The following RPS6KA2 variants were observed in gnomAD, a reference collection of about 807,000 sequenced individuals.
The protein encoded by RPS6KA2 is ribosomal protein S6 kinase alpha-2.
Under a neutral mutation model 91.8 loss-of-function variants are expected in RPS6KA2, and 42 were observed. The observed-to-expected ratio is 0.46, with a 90% confidence interval of 0.36 to 0.59. The LOEUF is 0.59. RPS6KA2 is among the 20% of genes least tolerant of loss of function. The pLI, the probability that RPS6KA2 is intolerant of heterozygous loss-of-function variation, is 0.00. For synonymous variants in RPS6KA2, 414 were observed against 393.6 expected, an observed-to-expected ratio of 1.05 and a Z score of -0.61; for missense variants, 798 against 978.5, an observed-to-expected ratio of 0.82 and a Z score of 2.46.
rs184982684 is a variant in RPS6KA2, at chr6:166,761,748, A to G, written c.123+96452T>C. The stretch of plus-strand genomic sequence containing the variant: ...AGCCTGTGTTGAAGACATCACTGGG[A>G]GTGAGTTGTACCTTTCCCCTTCCTA... On this transcript the variant is annotated intron_variant, in intron 2 of 21. Transcript: ENST00000503859. Among the ~76,000 whole-genome samples, 314 of 152,298 alleles carry G rather than the reference A, an allele frequency of 2.1e-3. 1 individual carries two copies. The highest frequency in any genetic ancestry group is 7.3e-3 in the African/African-American group (303 of 41,548).
intron 1 of RPS6KA2, among the ~76,000 whole-genome samples, chr6:166,541,737 G>A (rs1257744316): frequency 6.6e-6 from 1 of 152,012 alleles, no homozygotes; most frequent in African/African-American, 2.4e-5. Context: ...TTTCTGTAAC[G>A]TTTCGAATCA....
chr6:166,776,977 T>G (rs1778638263), intron 2 of RPS6KA2, among the ~76,000 whole-genome samples: 1 of 152,176 alleles, frequency 6.6e-6, no homozygotes, highest in Admixed American at 6.5e-5. Context: ...CCATTTGTAG[T>G]TCTCTTTTGG....
At position 166,554,948 on chromosome 6, in the gene RPS6KA2, C is replaced by A. The variant is rs1784135511; in HGVS notation, c.100-16164G>T. Among the ~76,000 whole-genome samples the A allele has an allele frequency of 6.6e-6, 1 of 152,208 alleles. No homozygotes were observed. The highest frequency in any genetic ancestry group is 1.5e-5 in the Non-Finnish European group (1 of 68,032). ...ACTTTAGGAAATTGTTGCTTCTATA[C>A]TTTTTCTCTACAGAGCTAGAATACT... On this transcript the variant is annotated intron_variant, in intron 1 of 20. Transcript: ENST00000265678. This position sits in a 1 kb window ranked among gnomAD's most constrained non-coding sequence, Gnocchi z 4.3.
In RPS6KA2 at chr6:166,551,396, T is replaced by C. The variant is rs1286868507; in HGVS notation, c.100-12612A>G. On this transcript the variant is annotated intron_variant, in intron 1 of 20. Transcript: ENST00000265678. ...GAGAGAGGATTTCCAATGTGGCCAG[T>C]GGAGTTTCAGAAGACATGTGGCATG... 2.6e-5 allele frequency among the ~76,000 whole-genome samples: 4 copies of C among 152,326 alleles called. No homozygotes were observed. The East Asian group carries it at 5.8e-4, about 22-fold the overall frequency.
chr6:166,536,396 T>G (rs1036785356), intron 2 of RPS6KA2, among the ~76,000 whole-genome samples: 3 of 152,180 alleles, frequency 2.0e-5, no homozygotes, highest in African/African-American at 7.2e-5. Flanking sequence ...AGAGGAGGAA[T>G]ACAGTAACGT....
At chr6:166,558,631 C>T (rs1429476152) in intron 1 of RPS6KA2, among the ~76,000 whole-genome samples, 1 of 152,162 alleles carries the variant, frequency 6.6e-6, no homozygotes, top group Non-Finnish European at 1.5e-5. Flanking sequence ...AACAGGATGG[C>T]GACCATAAGT....
At chr6:166,519,624 C>T (rs1216822965) in intron 3 of RPS6KA2, among the ~76,000 whole-genome samples, 1 of 152,200 alleles carries the variant, frequency 6.6e-6, no homozygotes, top group Non-Finnish European at 1.5e-5. Flanking sequence ...GAGGCACCAA[C>T]AGGTTCACCC....
At chr6:166,455,304 G>A (rs80293705) in intron 12 of RPS6KA2, among the ~76,000 whole-genome samples, 2,188 of 152,236 alleles carry the variant, frequency 0.014, 51 homozygotes, top group African/African-American at 0.05. Flanking sequence ...AAGCCCAGGA[G>A]CCGGGCCCCA....
intron 2 of RPS6KA2, among the ~76,000 whole-genome samples, chr6:166,632,936 C>A (rs145718277): frequency 3.3e-5 from 5 of 152,066 alleles, no homozygotes; most frequent in Admixed American, 6.5e-5. Flanking sequence ...ACCTCGGGGC[C>A]GGGCGCAGGG....
At chr6:166,609,506 AT>A (rs72047171) in intron 1 of RPS6KA2, among the ~76,000 whole-genome samples, 40,170 of 140,204 alleles carry the variant, frequency 0.29, 5,324 homozygotes, top group East Asian at 0.39. Context: ...CAAAAGTTTA[AT>A]TTTTTTTTTT....
chr6:166,690,722 C>T (rs546175577), intron 2 of RPS6KA2, among the ~76,000 whole-genome samples: 12 of 152,194 alleles, frequency 7.9e-5, no homozygotes, highest in East Asian at 5.8e-4. Context: ...CCTCAAAGTC[C>T]CTTCCGCTAG....
rs555008469 is a variant in RPS6KA2 at position 166,412,934 on chromosome 6, G to A, written c.2077-47C>T. The A allele has an allele frequency of 6.6e-7, 1 of 1,505,604 alleles. No individual in the cohort carries two copies. Among genetic ancestry groups the A allele is most frequent in the Admixed American group, 2.1e-5 (1 of 47,396 alleles). 93.3% of individuals were successfully genotyped at this position (1,505,604 alleles called of 1,614,324 possible). On this transcript the variant is annotated intron_variant, in intron 20 of 20. Coordinates refer to ENST00000265678, the MANE Select transcript of RPS6KA2 (RefSeq NM_021135.6). The surrounding 1 kb of genome is among the most constrained non-coding windows in gnomAD (Gnocchi z 4.3). ...TGAGAGCCGCGGCGCCTCACTCCAGGGGTTGAGCCGGAGCCCGGGGCCTCC... is the reference window on the plus strand; with the variant it reads ...TGAGAGCCGCGGCGCCTCACTCCAGAGGTTGAGCCGGAGCCCGGGGCCTCC...
chr6:166,480,479 TTA>T (rs3066214), intron 10 of RPS6KA2, among the ~76,000 whole-genome samples: 5,788 of 99,448 alleles, frequency 0.058, 169 homozygotes, highest in East Asian at 0.11. Flanking sequence ...GATTGTGATT[TTA>T]TATATATATA....
intron 2 of RPS6KA2, among the ~76,000 whole-genome samples, chr6:166,633,102 C>T (rs1176649896): frequency 1.3e-5 from 2 of 152,140 alleles, no homozygotes; most frequent in African/African-American, 4.8e-5. Context: ...TGCCTGTGGT[C>T]CCAGCTACTT....
chr6:166,440,107 A>G (rs964463483), intron 14 of RPS6KA2: 40 of 152,238 alleles, frequency 2.6e-4, no homozygotes, highest in African/African-American at 8.7e-4. Flanking sequence ...CTGGAAGACA[A>G]TAAGCTCAGG....
At chr6:166,510,147 A>G (rs1299750300) in intron 4 of RPS6KA2, 130 bp downstream of exon 4, 2 of 488,738 alleles carry the variant, frequency 4.1e-6, no homozygotes, top group East Asian at 6.5e-5. Context: ...CTTCCTCCCC[A>G]GGCAGGGCAG....
At chr6:166,571,521 G>A (rs1784686653) in intron 1 of RPS6KA2, among the ~76,000 whole-genome samples, 1 of 152,268 alleles carries the variant, frequency 6.6e-6, no homozygotes, top group African/African-American at 2.4e-5. Flanking sequence ...GTGTGTGCAT[G>A]AATGCACGCA....
Position 166,418,181 on chromosome 6 carries a change from T to C in RPS6KA2, c.1938+44A>G. 7.6e-7 allele frequency: 1 copy of C among 1,307,458 alleles called. No homozygotes were observed. The highest frequency in any genetic ancestry group is 1.1e-6 in the Non-Finnish European group (1 of 911,300). The allele number at this position is 1,307,458 out of a possible 1,614,324, so 81.0% of individuals were successfully genotyped here. A position where few individuals can be genotyped will look rare whatever the true frequency, so the allele number is the denominator to read the frequency against. On this transcript the variant is annotated intron_variant, in intron 19 of 20. Coordinates refer to ENST00000265678, the MANE Select transcript of RPS6KA2 (RefSeq NM_021135.6). This position sits in a 1 kb window ranked among gnomAD's most constrained non-coding sequence, Gnocchi z 4.9. ...CTTCCTCAGAAATCATATGGCTATT[T>C]CAGAATCTGAATATTTAAAAGCAAC... is the stretch of plus-strand genomic sequence containing the variant.
chr6:166,627,826 C>G (rs1786953170), upstream of RPS6KA2: 2 of 152,358 alleles, frequency 1.3e-5, no homozygotes, highest in Admixed American at 6.5e-5. Flanking sequence ...TTTTCTCTGC[C>G]GAACCAAACT....
Sources: allele counts gnomAD v4.1 joint callset (sites outside exome capture counted in the v4.1 genomes callset), GRCh38; gene constraint gnomAD v4.1.1; non-coding constraint Gnocchi (gnomAD v3.1); transcripts MANE v1.5; gene names NCBI Gene and HGNC (gene_info 2026-07-23, HGNC 2026-07-21).